The following PRKN variants were observed in gnomAD, a reference collection of about 807,000 sequenced individuals.
PRKN encodes the protein E3 ubiquitin-protein ligase parkin.
In PRKN, 56 loss-of-function variants were observed where a neutral mutation model predicts 59.5. The ratio of observed to expected loss-of-function variants is 0.94; its 90% confidence interval spans 0.76 to 1.18. The LOEUF (loss-of-function observed/expected upper bound fraction) is 1.18, where lower values mean the gene tolerates loss of function less well. PRKN is among the 50% of genes most tolerant of loss of function. The pLI is 0.00. For missense variants in PRKN, 657 were observed against 596.4 expected, an observed-to-expected ratio of 1.10 and a Z score of -1.06; for synonymous variants, 250 against 222.1, an observed-to-expected ratio of 1.13 and a Z score of -1.12.
Position 161,350,205 on chromosome 6 carries a change from C to T in PRKN, c.1292G>A (p.Cys431Tyr), listed in dbSNP as rs397514694. 1 of 1,612,366 alleles carries T rather than the reference C, an allele frequency of 6.2e-7. No individual in the cohort carries two copies. The highest frequency in any genetic ancestry group is 2.2e-5 in the East Asian group (1 of 44,816). ...CHVPVEKNGG[C>Y]MHMKCPQPQC... The stretch of plus-strand genomic sequence containing the variant: ...GGGCTGCGGACACTTCATGTGCATG[C>T]AGCCTCCTGTTGGGGGCAGAAAACA... The change falls in exon 12 of 12, where the codon TGC (cysteine) becomes TAC (tyrosine). Residue 431 changes from cysteine (C) to tyrosine (Y), a missense_variant. Coordinates refer to ENST00000366898, the MANE Select transcript of PRKN (RefSeq NM_004562.3).
intron 1 of PRKN, among the ~76,000 whole-genome samples, chr6:162,677,357 C>T (rs953865789): frequency 4.0e-5 from 6 of 150,152 alleles, no homozygotes; most frequent in Admixed American, 2.0e-4. Context: ...TTGCACCTTT[C>T]GAATAAAATT....
Position 161,447,200 on chromosome 6 carries a change from A to G in PRKN, c.1084-60323T>C, listed in dbSNP as rs1231863249. On this transcript the variant is annotated intron_variant, in intron 9 of 11. Coordinates refer to ENST00000366898, the MANE Select transcript of PRKN (RefSeq NM_004562.3). This position sits in a 1 kb window ranked among gnomAD's most constrained non-coding sequence, Gnocchi z 4.1. ...GAAGTTAACCGAAAGCTGCTTTTTCACTCAGAGAATGGGCTGCTGTTCATT... is the reference window on the plus strand; with the variant it reads ...GAAGTTAACCGAAAGCTGCTTTTTCGCTCAGAGAATGGGCTGCTGTTCATT... Among the ~76,000 whole-genome samples, 2 of 152,042 alleles carry G rather than the reference A, an allele frequency of 1.3e-5. No individual in the cohort carries two copies. Among genetic ancestry groups the G allele is most frequent in the Admixed American group, 6.5e-5 (1 of 15,270 alleles).
At chr6:162,359,274 G>A (rs966165455) in intron 2 of PRKN, among the ~76,000 whole-genome samples, 16 of 151,578 alleles carry the variant, frequency 1.1e-4, no homozygotes, top group African/African-American at 3.6e-4. Flanking sequence ...TCTAGATTTG[G>A]TTTGTCAAGG....
chr6:162,522,510 A>G (rs6931162), intron 1 of PRKN, among the ~76,000 whole-genome samples: 13,724 of 152,318 alleles, frequency 0.09, 673 homozygotes, highest in South Asian at 0.18. Flanking sequence ...AGATTAAAGA[A>G]TATTTGGCTT....
In PRKN at chr6:161,538,352, C is replaced by T. The variant is rs1256809856; in HGVS notation, c.1083+10502G>A. On this transcript the variant is annotated intron_variant, in intron 9 of 11. Coordinates refer to ENST00000366898, the MANE Select transcript of PRKN (RefSeq NM_004562.3). The surrounding 1 kb of genome is among the most constrained non-coding windows in gnomAD (Gnocchi z 4.2). The stretch of plus-strand genomic sequence containing the variant: ...ATTTTTCTTCTCCTTGAAAAAAATT[C>T]TTAAATAAATTGGACTTTAAGAAAT... 6.6e-6 allele frequency among the ~76,000 whole-genome samples: 1 copy of T among 152,138 alleles called. No homozygotes were observed. Among genetic ancestry groups the T allele is most frequent in the African/African-American group, 2.4e-5 (1 of 41,434 alleles).
chr6:161,813,868 G>A (rs147216169), intron 6 of PRKN, among the ~76,000 whole-genome samples: 87 of 152,254 alleles, frequency 5.7e-4, no homozygotes, highest in African/African-American at 1.9e-3. Flanking sequence ...CAGTTTCTGG[G>A]TTCCTCACTA....
chr6:161,657,793 T>C (rs1784402810), intron 7 of PRKN, among the ~76,000 whole-genome samples: 1 of 151,896 alleles, frequency 6.6e-6, no homozygotes, highest in African/African-American at 2.4e-5. Context: ...TGGGAGGCCG[T>C]GGTGGGTGAA....
At chr6:162,109,990 T>C (rs1373658928) in intron 4 of PRKN, among the ~76,000 whole-genome samples, 1 of 152,242 alleles carries the variant, frequency 6.6e-6, no homozygotes. Context: ...TCTAGAAATA[T>C]TAACATAAAT....
At chr6:161,771,298 G>A (rs1282699900) in intron 7 of PRKN, among the ~76,000 whole-genome samples, 1 of 149,342 alleles carries the variant, frequency 6.7e-6, no homozygotes, top group Non-Finnish European at 1.5e-5. Context: ...AGAGCTTGCA[G>A]TGAGCCGAGA....
At chr6:161,583,065 TC>T (rs1781402742) in intron 7 of PRKN, among the ~76,000 whole-genome samples, 1 of 151,408 alleles carries the variant, frequency 6.6e-6, no homozygotes, top group Non-Finnish European at 1.5e-5. Context: ...CCAAAATAGA[TC>T]CATGATTTAC....
At chr6:162,669,792 T>C (rs1457579206) in intron 1 of PRKN, among the ~76,000 whole-genome samples, 1 of 152,194 alleles carries the variant, frequency 6.6e-6, no homozygotes, top group Non-Finnish European at 1.5e-5. Flanking sequence ...AGGACTGGAA[T>C]TCCATAATCT....
intron 1 of PRKN, among the ~76,000 whole-genome samples, chr6:162,530,155 G>C (rs1367879661): frequency 7.1e-6 from 1 of 140,886 alleles, no homozygotes; most frequent in Non-Finnish European, 1.6e-5. Context: ...AAAAAAAAAA[G>C]TAAAAAAGTA....
At chr6:162,154,815 A>G (rs377000031) in intron 4 of PRKN, among the ~76,000 whole-genome samples, 1 of 152,074 alleles carries the variant, frequency 6.6e-6, no homozygotes, top group African/African-American at 2.4e-5. Context: ...GGAAGCCATG[A>G]TTTTTATTTT....
chr6:161,846,946 A>G (rs1259075079), intron 6 of PRKN, among the ~76,000 whole-genome samples: 1 of 152,184 alleles, frequency 6.6e-6, no homozygotes, highest in Non-Finnish European at 1.5e-5. Context: ...GGTCTGTAAG[A>G]CTTTTAAACA....
chr6:162,240,356 T>C (rs1331271609), intron 3 of PRKN, among the ~76,000 whole-genome samples: 1 of 152,206 alleles, frequency 6.6e-6, no homozygotes, highest in Non-Finnish European at 1.5e-5. Context: ...TCAGTCTCCT[T>C]CTTTCCTTCC....
chr6:161,657,762 A>C (rs915943138), intron 7 of PRKN, among the ~76,000 whole-genome samples: 1 of 152,120 alleles, frequency 6.6e-6, no homozygotes, highest in Non-Finnish European at 1.5e-5. Flanking sequence ...ACGGTGGCTC[A>C]CACTTGTAAT....
At chr6:161,667,558 T>G (rs1784767804) in intron 7 of PRKN, among the ~76,000 whole-genome samples, 1 of 152,224 alleles carries the variant, frequency 6.6e-6, no homozygotes, top group African/African-American at 2.4e-5. Context: ...TATTGGGTGC[T>G]CTCATAATTA....
At chr6:162,033,045 T>C (rs748566406) in intron 5 of PRKN, among the ~76,000 whole-genome samples, 1 of 152,206 alleles carries the variant, frequency 6.6e-6, no homozygotes, top group Non-Finnish European at 1.5e-5. Flanking sequence ...TAGAGAATTC[T>C]TGCCCAATCT....
intron 1 of PRKN, among the ~76,000 whole-genome samples, chr6:162,517,556 A>G (rs1777916646): frequency 6.6e-6 from 1 of 151,906 alleles, no homozygotes; most frequent in African/African-American, 2.4e-5. Flanking sequence ...GCGCCCGGCC[A>G]ATATATTTTT....
Sources: gnomAD v4.1 joint callset for allele counts (sites outside exome capture counted in the v4.1 genomes callset) on GRCh38, gnomAD v4.1.1 for gene constraint, Gnocchi (gnomAD v3.1) non-coding constraint, MANE v1.5 for transcripts, NCBI Gene and HGNC (gene_info 2026-07-23, HGNC 2026-07-21) for gene names.